The following CABCOCO1 variants were observed in gnomAD, a reference collection of about 807,000 sequenced individuals.
The protein encoded by CABCOCO1 is ciliary associated calcium binding coiled-coil 1.
CABCOCO1 carries 28 observed loss-of-function variants against 35.7 expected under a neutral mutation model. The ratio of observed to expected loss-of-function variants is 0.78; its 90% CI spans 0.58 to 1.07. The LOEUF is 1.07. CABCOCO1 is among the 50% of genes least tolerant of loss of function. The pLI is 0.00. For missense variants in CABCOCO1, 326 were observed against 309.2 expected (o/e 1.05, Z -0.41); for synonymous variants, 95 against 100.1 (o/e 0.95, Z 0.30).
chr10:61,677,811 GTTTTTTTTTTTTTT>G (rs35492889), intron 2 of CABCOCO1, among the ~76,000 whole-genome samples: 2 of 60,308 alleles, frequency 3.3e-5, no homozygotes, highest in African/African-American at 1.3e-4. Context: ...TTTTTTGGGT[GTTTTTTTTTTTTTT>G]TTTTTTTTTT....
chr10:61,741,893 T>C (rs943208585), intron 5 of CABCOCO1, among the ~76,000 whole-genome samples: 8 of 152,236 alleles, frequency 5.3e-5, no homozygotes, highest in Admixed American at 3.9e-4. Flanking sequence ...GTGAATTCTA[T>C]GGATTCACTT....
intron 1 of CABCOCO1, among the ~76,000 whole-genome samples, chr10:61,671,359 C>T (rs1442252733): frequency 1.3e-5 from 2 of 151,642 alleles, no homozygotes. Flanking sequence ...TACAGTTATG[C>T]AGGTTGTGCT....
At chr10:61,668,815 C>A (rs1462964391) in intron 1 of CABCOCO1, among the ~76,000 whole-genome samples, 2 of 146,524 alleles carry the variant, frequency 1.4e-5, no homozygotes, top group East Asian at 4.0e-4. Flanking sequence ...GAAGGAAGTG[C>A]CAAAAAACTC....
Position 61,672,697 on chromosome 10 carries a change from C to A in CABCOCO1, c.126C>A (p.Ile42=). ...LSPDFLSVAQ[I]TDLLMEDIDG... ...CGGATTTTCTTTCAGTTGCCCAAAT[C>A]ACTGATTTGTTAATGGAGGACATCG... is the stretch of plus-strand genomic sequence containing the variant. Residue 42 remains isoleucine (I), a synonymous_variant, in exon 2 of 8, where the codon ATC becomes ATA. Transcript: ENST00000648843. 1.0e-6 allele frequency: 1 copy of A among 985,332 alleles called. No homozygotes were observed. Among genetic ancestry groups the A allele is most frequent in the Non-Finnish European group, 1.2e-6 (1 of 829,834 alleles). 61.0% of individuals were successfully genotyped at this position (985,332 alleles called of 1,614,324 possible). A position where few individuals can be genotyped will look rare whatever the true frequency, so the allele number is the denominator to read the frequency against.
chr10:61,707,192 C>T (rs563684478), intron 5 of CABCOCO1, among the ~76,000 whole-genome samples: 6 of 152,040 alleles, frequency 3.9e-5, no homozygotes, highest in East Asian at 1.9e-4. Context: ...GGAACATGAC[C>T]GAGCATTGAC....
chr10:61,706,287 G>GA (rs1554823400), intron 5 of CABCOCO1, among the ~76,000 whole-genome samples: 1 of 152,126 alleles, frequency 6.6e-6, no homozygotes, highest in Non-Finnish European at 1.5e-5. Flanking sequence ...AATTACAGCC[G>GA]AAATTGAGAA....
chr10:61,739,064 TTTA>T (rs750041088), intron 5 of CABCOCO1, among the ~76,000 whole-genome samples: 1 of 152,238 alleles, frequency 6.6e-6, no homozygotes, highest in African/African-American at 2.4e-5. Context: ...ACCAGTCTTT[TTTA>T]ATAGGGATCT....
intron 1 of CABCOCO1, among the ~76,000 whole-genome samples, chr10:61,667,629 A>ATTG: frequency 6.6e-6 from 1 of 151,902 alleles, no homozygotes. Context: ...TCATATTTAT[A>ATTG]ACCAAGTATA....
chr10:61,687,644 A>G (rs148220908), intron 4 of CABCOCO1, among the ~76,000 whole-genome samples: 3 of 152,236 alleles, frequency 2.0e-5, no homozygotes, highest in African/African-American at 4.8e-5. Context: ...TCATCTACAT[A>G]TTTCTTGACA....
chr10:61,675,823 T>A (rs1437755945), intron 2 of CABCOCO1, among the ~76,000 whole-genome samples: 1 of 151,944 alleles, frequency 6.6e-6, no homozygotes, highest in Non-Finnish European at 1.5e-5. Flanking sequence ...AGAACTTACA[T>A]TGCTGAAAAT....
chr10:61,736,499 C>T (rs545791887), intron 5 of CABCOCO1, among the ~76,000 whole-genome samples: 72 of 152,016 alleles, frequency 4.7e-4, no homozygotes, highest in Admixed American at 7.2e-4. Flanking sequence ...CTTTGGTCTA[C>T]GTGCCTGTTT....
intron 5 of CABCOCO1, among the ~76,000 whole-genome samples, chr10:61,757,413 C>T (rs959151310): frequency 1.3e-5 from 2 of 152,098 alleles, no homozygotes; most frequent in African/African-American, 4.8e-5. Context: ...ACTAACACAG[C>T]TAAGTGTAAT....
intron 6 of CABCOCO1, 91 bp from the exon 7 acceptor site, chr10:61,760,772 A>C: frequency 5.1e-6 from 7 of 1,361,264 alleles, no homozygotes; most frequent in Non-Finnish European, 6.9e-6. Flanking sequence ...AAGTAAAATA[A>C]AATATATTTA....
chr10:61,755,372 A>G (rs904716454), intron 5 of CABCOCO1, among the ~76,000 whole-genome samples: 14 of 152,248 alleles, frequency 9.2e-5, no homozygotes, highest in African/African-American at 2.2e-4. Context: ...CAAGGGGGGG[A>G]AAATAGTTAA....
chr10:61,683,297 TA>T (rs935441902), intron 3 of CABCOCO1, among the ~76,000 whole-genome samples: 14 of 152,098 alleles, frequency 9.2e-5, no homozygotes, highest in Admixed American at 7.9e-4. Context: ...TAGTGGCTCA[TA>T]CCTGTAATCC....
chr10:61,701,929 G>GATCT, intron 5 of CABCOCO1: 3 of 507,314 alleles, frequency 5.9e-6, no homozygotes, highest in Non-Finnish European at 7.6e-6. Context: ...ACCAAAGATC[G>GATCT]TTGGATCTTC....
intron 1 of CABCOCO1, among the ~76,000 whole-genome samples, chr10:61,666,995 T>G (rs1049047067): frequency 7.0e-6 from 1 of 141,944 alleles, no homozygotes; most frequent in East Asian, 2.0e-4. Flanking sequence ...AATTATATAT[T>G]ATATATAAAT....
rs771051627 is a variant in CABCOCO1, at chr10:61,765,976, C to T, written c.854C>T (p.Ala285Val). ...INEKLQIQEE[A>V]FNARIEKLKK... Reference sequence around the variant, plus strand: ...GAAAAACTGCAAATACAGGAAGAGGCCTTTAATGCACGAATAGAAAAATTG... The same window carrying T: ...GAAAAACTGCAAATACAGGAAGAGGTCTTTAATGCACGAATAGAAAAATTG... The change falls in exon 8 of 8, where the codon GCC becomes GTC. Residue 285 changes from alanine (A) to valine (V), a missense_variant. By Grantham distance (64) the Ala-to-Val change is moderately conservative. Transcript: ENST00000648843. The T allele has an allele frequency of 1.9e-6, 3 of 1,613,336 alleles. No homozygotes were observed. The highest frequency in any genetic ancestry group is 1.7e-6 in the Non-Finnish European group (2 of 1,179,542).
intron 5 of CABCOCO1, among the ~76,000 whole-genome samples, chr10:61,752,136 G>A (rs1397794251): frequency 6.6e-6 from 1 of 152,150 alleles, no homozygotes; most frequent in East Asian, 1.9e-4. Flanking sequence ...GGGAAGACAT[G>A]CTTCTTTAGG....
Sources: allele counts gnomAD v4.1 joint callset (sites outside exome capture counted in the v4.1 genomes callset), GRCh38; gene constraint gnomAD v4.1.1; transcripts MANE v1.5; gene names NCBI Gene and HGNC (gene_info 2026-07-23, HGNC 2026-07-21).